Variants in NLGN1 observed in about 807,000 individuals in gnomAD.
NLGN1 encodes neuroligin-1.
NLGN1 carries 12 observed loss-of-function variants against 65.5 expected under a neutral mutation model. The observed-to-expected ratio is 0.18, with a 90% CI of 0.12 to 0.30. The LOEUF (loss-of-function observed/expected upper bound fraction) is 0.30. Among genes scored for constraint, NLGN1 ranks in the 10% least tolerant of loss-of-function variants. NLGN1 has a pLI of 1.00. For missense variants in NLGN1, 750 were observed against 1,007.1 expected (o/e 0.74, Z 3.46); for synonymous variants, 350 against 359.5 (o/e 0.97, Z 0.30).
chr3:173,782,902 A>G (rs902080182), intron 3 of NLGN1, among the ~76,000 whole-genome samples: 1 of 152,084 alleles, frequency 6.6e-6, no homozygotes, highest in Admixed American at 6.6e-5. Flanking sequence ...TATATATACT[A>G]ATACATGTAC....
chr3:174,172,075 G>T (rs7625721), intron 4 of NLGN1, among the ~76,000 whole-genome samples: 23,466 of 151,866 alleles, frequency 0.15, 3,562 homozygotes, highest in African/African-American at 0.4. Context: ...TCTCCAGTTT[G>T]CTAAGTATCT....
At chr3:173,609,097 A>G (rs1326967006) in intron 3 of NLGN1, among the ~76,000 whole-genome samples, 1 of 151,934 alleles carries the variant, frequency 6.6e-6, no homozygotes, top group Non-Finnish European at 1.5e-5. Context: ...GTGGTCAAAT[A>G]TTAGACAGTA....
intron 3 of NLGN1, among the ~76,000 whole-genome samples, chr3:173,754,960 A>G (rs979996545): frequency 1.3e-5 from 2 of 152,130 alleles, no homozygotes; most frequent in Non-Finnish European, 2.9e-5. Flanking sequence ...AATGCCATCT[A>G]AAGGTTAAAG....
At chr3:174,083,313 A>G (rs1742612556) in intron 4 of NLGN1, among the ~76,000 whole-genome samples, 1 of 152,112 alleles carries the variant, frequency 6.6e-6, no homozygotes, top group Admixed American at 6.5e-5. Context: ...ATGGGTATAT[A>G]CAAATAATCT....
At chr3:173,461,436 G>T (rs889931658) in intron 2 of NLGN1, among the ~76,000 whole-genome samples, 1 of 151,862 alleles carries the variant, frequency 6.6e-6, no homozygotes, top group Non-Finnish European at 1.5e-5. Flanking sequence ...TTCTCAAATG[G>T]GGGAAAGATT....
chr3:173,904,120 T>A (rs1258045291), intron 4 of NLGN1, among the ~76,000 whole-genome samples: 1 of 152,222 alleles, frequency 6.6e-6, no homozygotes, highest in Non-Finnish European at 1.5e-5. Context: ...ATTTTATTAT[T>A]TGAAAAGTCA....
chr3:174,251,425 C>T (rs1180453236), intron 4 of NLGN1, among the ~76,000 whole-genome samples: 2 of 152,104 alleles, frequency 1.3e-5, no homozygotes, highest in Non-Finnish European at 2.9e-5. Context: ...AAAAACATAC[C>T]TCCTGGAGGC....
At chr3:173,489,084 CTTTTTTTATT>C (rs1177532897) in intron 2 of NLGN1, among the ~76,000 whole-genome samples, 5 of 149,634 alleles carry the variant, frequency 3.3e-5, no homozygotes, top group Non-Finnish European at 7.4e-5. Context: ...CTTTTTTTTT[CTTTTTTTATT>C]ATTATTATAC....
chr3:173,504,876 T>A (rs193218803), intron 2 of NLGN1, among the ~76,000 whole-genome samples: 188 of 152,210 alleles, frequency 1.2e-3, no homozygotes, highest in Non-Finnish European at 2.3e-3. Flanking sequence ...GTCTATTTCG[T>A]GTTGGACTTC....
chr3:174,133,594 A>C (rs28667903), intron 4 of NLGN1, among the ~76,000 whole-genome samples: 12,153 of 152,108 alleles, frequency 0.08, 1,071 homozygotes, highest in African/African-American at 0.22. Context: ...GGCTTTGACA[A>C]TCCGAGTTAC....
intron 4 of NLGN1, among the ~76,000 whole-genome samples, chr3:174,212,934 G>T (rs1403596032): frequency 6.6e-6 from 1 of 152,172 alleles, no homozygotes; most frequent in African/African-American, 2.4e-5. Flanking sequence ...ATACCGCTCT[G>T]ACCTTCTCTT....
chr3:173,470,043 G>T (rs1176039015), intron 2 of NLGN1, among the ~76,000 whole-genome samples: 5 of 151,832 alleles, frequency 3.3e-5, no homozygotes, highest in Non-Finnish European at 7.4e-5. Context: ...TCAGACATCT[G>T]TGTGGTCTGG....
chr3:173,937,182 GCT>G (rs1340292650), intron 4 of NLGN1, among the ~76,000 whole-genome samples: 6 of 152,014 alleles, frequency 3.9e-5, no homozygotes, highest in African/African-American at 1.4e-4. Flanking sequence ...GGATTCACTG[GCT>G]CTGAGTAAGA....
chr3:173,615,900 T>G (rs1752985908), intron 3 of NLGN1, among the ~76,000 whole-genome samples: 1 of 152,044 alleles, frequency 6.6e-6, no homozygotes, highest in Non-Finnish European at 1.5e-5. Context: ...TTTCTCACTT[T>G]TGTTGGAAGT....
intron 2 of NLGN1, among the ~76,000 whole-genome samples, chr3:173,472,989 T>G (rs1051150611): frequency 3.3e-5 from 5 of 152,186 alleles, no homozygotes; most frequent in East Asian, 1.9e-4. Flanking sequence ...TCTCAGAGAT[T>G]CATATTTATT....
At chr3:174,101,454 C>T (rs1712460607) in intron 4 of NLGN1, among the ~76,000 whole-genome samples, 1 of 152,140 alleles carries the variant, frequency 6.6e-6, no homozygotes, top group Non-Finnish European at 1.5e-5. Context: ...GCTGAAGTTT[C>T]GTTTTACTGT....
chr3:174,053,115 T>C (rs972906202), intron 4 of NLGN1, among the ~76,000 whole-genome samples: 4 of 151,990 alleles, frequency 2.6e-5, no homozygotes, highest in South Asian at 2.1e-4. Flanking sequence ...GGGGATAGTG[T>C]TGTGTTGAAG....
intron 4 of NLGN1, among the ~76,000 whole-genome samples, chr3:173,812,246 T>G (rs188467685): frequency 7.9e-5 from 12 of 152,306 alleles, no homozygotes; most frequent in African/African-American, 2.9e-4. Context: ...TTAGCTTACT[T>G]TATAATTCTA....
intron 3 of NLGN1, among the ~76,000 whole-genome samples, chr3:173,703,356 C>T (rs1024278537): frequency 5.9e-5 from 9 of 152,072 alleles, no homozygotes; most frequent in Non-Finnish European, 1.5e-5. Context: ...TCTTTTGCAT[C>T]ATTAATTTTA....
Sources: gnomAD v4.1 joint callset for allele counts (sites outside exome capture counted in the v4.1 genomes callset) on GRCh38, gnomAD v4.1.1 for gene constraint, MANE v1.5 for transcripts, NCBI Gene and HGNC (gene_info 2026-07-23, HGNC 2026-07-21) for gene names.